Variants in MST1 observed in about 807,000 individuals in gnomAD.
MST1 encodes macrophage stimulating 1.
A neutral mutation model predicts 100.1 loss-of-function variants in MST1; 76 were observed. That is an observed-to-expected ratio of 0.76 (90% CI 0.63 to 0.92). The LOEUF (loss-of-function observed/expected upper bound fraction) is 0.92. Ranked by LOEUF, MST1 falls within the 40% of genes least tolerant of loss-of-function variation. The pLI, the probability that MST1 is intolerant of heterozygous loss-of-function variation, is 0.00. For missense variants in MST1, 850 were observed against 990.0 expected (o/e 0.86, Z 1.90); for synonymous variants, 352 against 385.4 (o/e 0.91, Z 1.01).
rs2053709464 is a variant in MST1, at chr3:49,686,099, G to A, written c.1110C>T (p.Tyr370=). The change falls in exon 9 of 18, where the codon TAC becomes TAT. Residue 370 remains tyrosine, a synonymous_variant. Transcript: ENST00000449682. ...LRPGMRAAFC[Y]QIRRCTDDVR... ...CGTCGTCTGTACAACGCCGGATCTG[G>A]TAGCAAAAGGCCGCGCGCATGCCGG... 2 of 1,610,844 alleles carry A rather than the reference G, an allele frequency of 1.2e-6. No individual in the cohort carries two copies. The highest frequency in any genetic ancestry group is 1.7e-6 in the Non-Finnish European group (2 of 1,179,538).
At position 49,685,928 on chromosome 3, in the gene MST1, G is replaced by T. The variant is rs1559651153; in HGVS notation, c.1182C>A (p.Gly394=). The T allele has an allele frequency of 1.9e-6, 3 of 1,609,638 alleles. No homozygotes were observed. The highest frequency in any genetic ancestry group is 2.5e-6 in the Non-Finnish European group (3 of 1,179,292). The change falls in exon 10 of 18, where the codon GGC becomes GGA. Residue 394 remains glycine, a synonymous_variant. Transcript: ENST00000449682. ...CYHGAGEQYR[G]TVSKTRKGVQ... ...CACCCTTGCGGGTCTTGCTGACCGT[G>T]CCGCGGTACTGCTCCCCTGCGCCGT...
intron 1 of MST1, chr3:49,688,189 C>T (rs1370785185): frequency 5.9e-6 from 3 of 506,812 alleles, no homozygotes; most frequent in Non-Finnish European, 1.1e-5. Flanking sequence ...GGTGATGAAG[C>T]TTGCCCCACC....
At chr3:49,684,293 G>C (rs781279954) in intron 17 of MST1, 21 bp downstream of exon 17, 1 of 1,612,614 alleles carries the variant, frequency 6.2e-7, no homozygotes, top group Non-Finnish European at 8.5e-7. Flanking sequence ...TCCAGGGCTG[G>C]CCCAGGGCCC....
rs767655143 is a variant in MST1 at position 49,687,858 on chromosome 3, C to T, written c.134G>A (p.Gly45Asp). Reference sequence around the variant, plus strand: ...ATGTAGCAGGTGCTGTAGCTCTGTGCCCCGGAGCACTTGGAAGTCATTCAA... The same window carrying T: ...ATGTAGCAGGTGCTGTAGCTCTGTGTCCCGGAGCACTTGGAAGTCATTCAA... ...SPLNDFQVLR[G>D]TELQHLLHAV... The change falls in exon 2 of 18, where the codon GGC (glycine) becomes GAC (aspartate). Residue 45 changes from glycine to aspartate, a missense_variant. Gly to Asp is a moderately conservative substitution (Grantham distance 94). This residue lies in a region of MST1 where 34 missense variants were observed against 65.5 expected (regional missense o/e 0.52). Transcript: ENST00000449682. 2.5e-6 allele frequency: 4 copies of T among 1,613,532 alleles called. No individual in the cohort carries two copies. The highest frequency in any genetic ancestry group is 3.4e-6 in the Non-Finnish European group (4 of 1,179,856).
intron 1 of MST1, 89 bp downstream of exon 1, chr3:49,688,509 G>C (rs1575509479): frequency 1.4e-6 from 2 of 1,431,410 alleles, no homozygotes; most frequent in East Asian, 4.7e-5. Context: ...TGAGCCTCTG[G>C]CTCCCCGACT....
Position 49,684,177 on chromosome 3 carries a change from C to T in MST1, c.2029G>A (p.Gly677Ser). The change falls in exon 18 of 18, where the codon GGC becomes AGC. Residue 677 changes from glycine to serine, a missense_variant. Transcript: ENST00000449682. ...PVGACEGDYG[G>S]PLACFTHNCW... ...TTGTGGGTAAAGCAGGCAAGTGGGC[C>T]CCCGTAGTCACCCTGGCAGGTAGGA... The T allele has an allele frequency of 1.2e-6, 2 of 1,612,522 alleles. No individual in the cohort carries two copies. Among genetic ancestry groups the T allele is most frequent in the East Asian group, 2.2e-5 (1 of 44,880 alleles).
At position 49,688,712 on chromosome 3, in the gene MST1, T is replaced by C. The variant is rs1308110791; in HGVS notation, c.-21A>G. On this transcript the variant is annotated 5_prime_UTR_variant, in exon 1 of 18. Coordinates refer to ENST00000449682, the MANE Select transcript of MST1 (RefSeq NM_020998.4). ...CCCATCCGGGAAGTTGTGAAACCTGTCCCTACGGGATTGGGTGGCTCTGGC... is the reference window on the plus strand; with the variant it reads ...CCCATCCGGGAAGTTGTGAAACCTGCCCCTACGGGATTGGGTGGCTCTGGC... The C allele has an allele frequency of 6.4e-7, 1 of 1,574,426 alleles. No homozygotes were observed. The highest frequency in any genetic ancestry group is 1.3e-5 in the African/African-American group (1 of 74,636).
rs763122122 is a variant in MST1 at position 49,684,778 on chromosome 3, C to T, written c.1729G>A (p.Gly577Arg). ...QRVPVAKMVC[G>R]PSGSQLVLLK... ...AGGACAAGCTGGGAGCCTGAGGGCC[C>T]ACACACCATCTTGGCTACTGGGACC... The change falls in exon 15 of 18, where the codon GGG becomes AGG. Residue 577 changes from glycine (G) to arginine (R), a missense_variant. By Grantham distance (125) the Gly-to-Arg change is moderately radical (BLOSUM62 -2). Transcript: ENST00000449682. 8 of 1,613,452 alleles carry T rather than the reference C, an allele frequency of 5.0e-6. No individual in the cohort carries two copies. The highest frequency in any genetic ancestry group is 6.8e-6 in the Non-Finnish European group (8 of 1,179,866).
chr3:49,685,488 G>A lies in MST1; in HGVS notation c.1406C>T (p.Ser469Leu), dbSNP rs1386875625. 1.2e-6 allele frequency: 2 copies of A among 1,613,662 alleles called. No homozygotes were observed. The highest frequency in any genetic ancestry group is 1.7e-5 in the Admixed American group (1 of 60,016). Residue 469 changes from serine to leucine, a missense_variant, in exon 12 of 18, where the codon TCA becomes TTA. Ser to Leu is a moderately radical substitution (Grantham distance 145). Transcript: ENST00000449682. The stretch of plus-strand genomic sequence containing the variant: ...CTCCTAACCTGGGGGGTCCAGGATT[G>A]ATGGCGGCTGGTCATCAGCTGAAAG... ...LRRCADDQPP[S>L]ILDPPDQVQF...
intron 7 of MST1, 76 bp from the exon 8 acceptor site, chr3:49,686,557 C>A: frequency 1.3e-6 from 2 of 1,580,982 alleles, no homozygotes; most frequent in African/African-American, 2.7e-5. Flanking sequence ...ACCCGCCTTT[C>A]CCAGGTGTAC....
chr3:49,686,036 C>G (rs1237813756), intron 9 of MST1, 26 bp downstream of exon 9: 2 of 1,606,934 alleles, frequency 1.2e-6, no homozygotes, highest in African/African-American at 2.7e-5. Flanking sequence ...CAGCCCGGCT[C>G]TGTAGCCCCC....
chr3:49,687,903 G>A lies in MST1; in HGVS notation c.95-6C>T, dbSNP rs778261547. ...ATTCAATGGCGAGCGCTGCCCTGCA[G>A]AGTAGGCATGAGTGGGTGCAGGTCA... On this transcript the variant is annotated splice_polypyrimidine_tract_variant and splice_region_variant and intron_variant, in intron 1 of 17. Coordinates refer to ENST00000449682, the MANE Select transcript of MST1 (RefSeq NM_020998.4). 1.9e-6 allele frequency: 3 copies of A among 1,611,806 alleles called. No individual in the cohort carries two copies. The highest frequency in any genetic ancestry group is 1.3e-5 in the African/African-American group (1 of 75,016).
chr3:49,685,087 T>C lies in MST1; in HGVS notation c.1547A>G (p.Gln516Arg), dbSNP rs1391530280. 3 of 1,610,434 alleles carry C rather than the reference T, an allele frequency of 1.9e-6. No individual in the cohort carries two copies. The highest frequency in any genetic ancestry group is 3.4e-5 in the Admixed American group (2 of 59,682). ...SPWTVSLRNR[Q>R]GQHFCGGSLV... Reference sequence around the variant, plus strand: ...AGACCCCCCGCAGAAATGCTGGCCCTGCCTAGAGGAGTGGGGAATTAGGAC... The same window carrying C: ...AGACCCCCCGCAGAAATGCTGGCCCCGCCTAGAGGAGTGGGGAATTAGGAC... The change falls in exon 14 of 18, where the codon CAG becomes CGG. Residue 516 changes from glutamine to arginine, a missense_variant and splice_region_variant. By Grantham distance (43) the Gln-to-Arg change is conservative. Around this residue, in one of 2 missense-constraint regions of MST1, gnomAD observed 816 missense variants for 924.6 expected, o/e 0.88. Coordinates refer to ENST00000449682, the MANE Select transcript of MST1 (RefSeq NM_020998.4).
chr3:49,686,220 C>T (rs944883515), intron 8 of MST1, 28 bp from the exon 9 acceptor site: 3 of 1,610,838 alleles, frequency 1.9e-6, no homozygotes, highest in East Asian at 2.2e-5. Flanking sequence ...TCAGCCCTAG[C>T]CCGCCAGCCT....
chr3:49,686,304 C>G lies in MST1; in HGVS notation c.1016+9G>C, dbSNP rs780731254. 16 of 1,484,072 alleles carry G rather than the reference C, an allele frequency of 1.1e-5. No homozygotes were observed. The highest frequency in any genetic ancestry group is 3.8e-5 in the Admixed American group (2 of 52,552). 91.9% of individuals were successfully genotyped at this position (1,484,072 alleles called of 1,614,324 possible). On this transcript the variant is annotated intron_variant, in intron 8 of 17. Coordinates refer to ENST00000449682, the MANE Select transcript of MST1 (RefSeq NM_020998.4). ...ACGTCCCAACGCCCGCCCCCCCCCC[C>G]CACCTCACTTGCACGCGTATTTTTC...
rs2053765869 is a variant in MST1 at position 49,686,445 on chromosome 3, A to T, written c.884T>A (p.Val295Asp). 6.2e-7 allele frequency: 1 copy of T among 1,612,624 alleles called. No homozygotes were observed. Among genetic ancestry groups the T allele is most frequent in the Non-Finnish European group, 8.5e-7 (1 of 1,179,826 alleles). Residue 295 changes from valine (V) to aspartate (D), a missense_variant, in exon 8 of 18, where the codon GTC (valine) becomes GAC (aspartate). Physicochemically the swap from Val to Asp is radical, Grantham distance 152. This residue lies in a region of MST1 where 816 missense variants were observed against 924.6 expected (regional missense o/e 0.88). Coordinates refer to ENST00000449682, the MANE Select transcript of MST1 (RefSeq NM_020998.4). Reference protein sequence around the residue: ...EAQPRQEATTVSCFRGKGEGY... With the variant: ...EAQPRQEATTDSCFRGKGEGY... Reference sequence around the variant, plus strand: ...CTCACCCTTCCCGCGGAAGCAGCTGACAGTTGTGGCCTCTTGGCGGGGCTG... The same window carrying T: ...CTCACCCTTCCCGCGGAAGCAGCTGTCAGTTGTGGCCTCTTGGCGGGGCTG...
In MST1 at chr3:49,686,118, A is replaced by T; in HGVS notation, c.1091T>A (p.Met364Lys). The T allele has an allele frequency of 6.2e-7, 1 of 1,609,758 alleles. No homozygotes were observed. Among genetic ancestry groups the T allele is most frequent in the Non-Finnish European group, 8.5e-7 (1 of 1,179,012 alleles). Residue 364 changes from methionine to lysine, a missense_variant, in exon 9 of 18, where the codon ATG becomes AAG. By Grantham distance (95) the Met-to-Lys change is moderately conservative. Around this residue, in one of 2 missense-constraint regions of MST1, gnomAD observed 816 missense variants for 924.6 expected, o/e 0.88. Coordinates refer to ENST00000449682, the MANE Select transcript of MST1 (RefSeq NM_020998.4). ...APWCFTLRPGMRAAFCYQIRR... is the reference protein window; with the variant it reads ...APWCFTLRPGKRAAFCYQIRR... ...GATCTGGTAGCAAAAGGCCGCGCGC[A>T]TGCCGGGCCGCAGTGTGAAGCACCA...
At position 49,686,140 on chromosome 3, in the gene MST1, A is replaced by G; in HGVS notation, c.1069T>C (p.Cys357Arg). The change falls in exon 9 of 18, where the codon TGC (cysteine) becomes CGC (arginine). Residue 357 changes from cysteine to arginine, a missense_variant. By Grantham distance (180) the Cys-to-Arg change is radical (BLOSUM62 -3). Around this residue, in one of 2 missense-constraint regions of MST1, gnomAD observed 816 missense variants for 924.6 expected, o/e 0.88. Coordinates refer to ENST00000449682, the MANE Select transcript of MST1 (RefSeq NM_020998.4). ...CGCATGCCGGGCCGCAGTGTGAAGC[A>G]CCAGGGCGCCTCTGAGCCGTCGGGG... ...RNPDGSEAPW[C>R]FTLRPGMRAA... 6.2e-7 allele frequency: 1 copy of G among 1,611,360 alleles called. No individual in the cohort carries two copies. The highest frequency in any genetic ancestry group is 8.5e-7 in the Non-Finnish European group (1 of 1,179,580).
At chr3:49,685,170 G>A (rs1280929029) in intron 13 of MST1, 81 bp from the exon 14 acceptor site, 1 of 1,597,858 alleles carries the variant, frequency 6.3e-7, no homozygotes, top group Non-Finnish European at 8.5e-7. Flanking sequence ...AGGACCTCTG[G>A]GGGCAGGGAT....
Sources: allele counts gnomAD v4.1 joint callset, GRCh38; gene constraint gnomAD v4.1.1; regional missense constraint gnomAD v4.1.1; transcripts MANE v1.5; gene names NCBI Gene and HGNC (gene_info 2026-07-23, HGNC 2026-07-21).